Variants in PTPRN2 observed in about 807,000 individuals in gnomAD.
PTPRN2 encodes protein tyrosine phosphatase receptor type N2, also known as receptor-type tyrosine-protein phosphatase N2.
A neutral mutation model predicts 118.8 loss-of-function variants in PTPRN2; 74 were observed. The observed-to-expected ratio is 0.62, with a 90% CI of 0.52 to 0.76. PTPRN2 has a LOEUF of 0.76. PTPRN2 is among the 30% of genes least tolerant of loss of function. The probability of loss-of-function intolerance (pLI) is 0.00; values close to 1 mark genes in which losing one functional copy is unlikely to be tolerated. For missense variants in PTPRN2, 1,481 were observed against 1,394.4 expected (o/e 1.06, Z -0.99); for synonymous variants, 641 against 608.0 (o/e 1.05, Z -0.80).
intron 15 of PTPRN2, among the ~76,000 whole-genome samples, chr7:157,604,727 ATAAAAAC>A (rs1801896700): frequency 2.0e-5 from 3 of 152,254 alleles, no homozygotes; most frequent in Non-Finnish European, 4.4e-5. Flanking sequence ...GGAGACTGGC[ATAAAAAC>A]TCGCTCGGAC....
In PTPRN2 at chr7:157,929,451, C is replaced by G. The variant is rs75465341; in HGVS notation, c.1724-30714G>C. On this transcript the variant is annotated intron_variant, in intron 11 of 22. Coordinates refer to ENST00000389418, the MANE Select transcript of PTPRN2 (RefSeq NM_002847.5). This position sits in a 1 kb window ranked among gnomAD's most constrained non-coding sequence, Gnocchi z 4.4. ...TTTGTTCCTTTTAGGAGGAAGCCAC[C>G]GGATCGTTTCCCATGCTTAAGCTCA... is the stretch of plus-strand genomic sequence containing the variant. 0.034 allele frequency among the ~76,000 whole-genome samples: 5,120 copies of G among 152,180 alleles called. 134 individuals are homozygous for G. The highest frequency in any genetic ancestry group is 0.058 in the South Asian group (280 of 4,814).
In PTPRN2 at chr7:158,305,823, A is replaced by T. The variant is rs377252947; in HGVS notation, c.277+10996T>A. Among the ~76,000 whole-genome samples the T allele has an allele frequency of 4.6e-5, 7 of 152,168 alleles. 1 individual carries two copies. In the South Asian group the frequency reaches 1.5e-3, roughly 32 times the overall value. On this transcript the variant is annotated intron_variant, in intron 3 of 22. Coordinates refer to ENST00000389418, the MANE Select transcript of PTPRN2 (RefSeq NM_002847.5). ...AAAAAAAAAAGAAAGAAAGAAAAAGAAAGAAATGGCTGAATCTCAGCAAGA... is the reference window on the plus strand; with the variant it reads ...AAAAAAAAAAGAAAGAAAGAAAAAGTAAGAAATGGCTGAATCTCAGCAAGA...
intron 8 of PTPRN2, among the ~76,000 whole-genome samples, chr7:158,135,031 G>T (rs1818687069): frequency 6.6e-6 from 1 of 152,218 alleles, no homozygotes; most frequent in Non-Finnish European, 1.5e-5. Flanking sequence ...GGAAAGACCG[G>T]GTCTGCTCCT....
chr7:158,477,316 C>G (rs1820346773), intron 2 of PTPRN2, among the ~76,000 whole-genome samples: 1 of 152,330 alleles, frequency 6.6e-6, no homozygotes, highest in East Asian at 1.9e-4. Flanking sequence ...ACATATCATG[C>G]AGTCCTGTCT....
chr7:157,951,297 G>A (rs185862407), intron 11 of PTPRN2, among the ~76,000 whole-genome samples: 1 of 152,078 alleles, frequency 6.6e-6, no homozygotes. Flanking sequence ...TCCTTGCAAA[G>A]ATTATTTGGT....
At chr7:158,391,795 C>T (rs115099261) in intron 2 of PTPRN2, among the ~76,000 whole-genome samples, 3,194 of 152,248 alleles carry the variant, frequency 0.021, 99 homozygotes, top group African/African-American at 0.072. Flanking sequence ...GTACCGGGGG[C>T]GGGGGAGGAA....
Position 157,828,406 on chromosome 7 carries a change from C to A in PTPRN2, c.1788+70267G>T, listed in dbSNP as rs112085302. Among the ~76,000 whole-genome samples, 85 of 152,342 alleles carry A rather than the reference C, an allele frequency of 5.6e-4. 1 individual carries two copies. Among genetic ancestry groups the A allele is most frequent in the African/African-American group, 2.0e-3 (85 of 41,572 alleles). ...CGGATACAAGACTTGCCCCCACTTC[C>A]GCAAGCCCTCGGCACCCACAGCTGT... On this transcript the variant is annotated intron_variant, in intron 12 of 22. Transcript: ENST00000389418.
chr7:158,554,973 G>A lies in PTPRN2; in HGVS notation c.112+32585C>T, dbSNP rs577200565. Among the ~76,000 whole-genome samples, 178 of 152,254 alleles carry A rather than the reference G, an allele frequency of 1.2e-3. 1 individual carries two copies. Among genetic ancestry groups the A allele is most frequent in the African/African-American group, 4.1e-3 (172 of 41,568 alleles). On this transcript the variant is annotated intron_variant, in intron 1 of 22. Transcript: ENST00000389418. ...ATCCTCACCCACGACCCGGGGACAC[G>A]TTTAATTTATCCGGCCCCTCCTCGA...
intron 6 of PTPRN2, among the ~76,000 whole-genome samples, chr7:158,150,717 C>T (rs1401722300): frequency 6.6e-6 from 1 of 151,956 alleles, no homozygotes; most frequent in African/African-American, 2.4e-5. Flanking sequence ...TGTGGGTGAT[C>T]ATGGTGATCT....
chr7:158,002,698 C>T (rs1172639192), intron 11 of PTPRN2, among the ~76,000 whole-genome samples: 1 of 152,178 alleles, frequency 6.6e-6, no homozygotes, highest in Non-Finnish European at 1.5e-5. Context: ...GGGGCCTGCT[C>T]CCTGGAAGCA....
In PTPRN2 at chr7:157,787,188, C is replaced by T. The variant is rs1316630526; in HGVS notation, c.1789-104251G>A. ...GGCGGGGGACGCGGGGGTGGCTGCC[C>T]GGGACTGGCTCTTCTGGAAGCAATT... On this transcript the variant is annotated intron_variant, in intron 12 of 22. Transcript: ENST00000389418. This position sits in a 1 kb window ranked among gnomAD's most constrained non-coding sequence, Gnocchi z 5.3. Among the ~76,000 whole-genome samples, 7 of 150,670 alleles carry T rather than the reference C, an allele frequency of 4.6e-5. No individual in the cohort carries two copies. Among genetic ancestry groups the T allele is most frequent in the South Asian group, 2.1e-4 (1 of 4,808 alleles).
At chr7:158,079,279 A>T (rs1812614695) in intron 11 of PTPRN2, among the ~76,000 whole-genome samples, 1 of 152,240 alleles carries the variant, frequency 6.6e-6, no homozygotes, top group South Asian at 2.1e-4. Flanking sequence ...TCACACAGCC[A>T]CAGGAGTTAA....
chr7:157,994,638 CCG>C, intron 11 of PTPRN2, among the ~76,000 whole-genome samples: 1 of 148,686 alleles, frequency 6.7e-6, no homozygotes, highest in South Asian at 2.2e-4. Context: ...AAAATCAACG[CCG>C]TGTCCCCAGC....
intron 12 of PTPRN2, among the ~76,000 whole-genome samples, chr7:157,767,008 C>T (rs1348451981): frequency 6.6e-6 from 1 of 152,222 alleles, no homozygotes; most frequent in Non-Finnish European, 1.5e-5. Flanking sequence ...TGCCAGCCCT[C>T]CTCCTGGCAC....
At chr7:157,760,160 C>T (rs1221959555) in intron 12 of PTPRN2, among the ~76,000 whole-genome samples, 1 of 152,172 alleles carries the variant, frequency 6.6e-6, no homozygotes, top group East Asian at 1.9e-4. Context: ...CCCACTGAAT[C>T]TCTCTAACAA....
At chr7:158,041,768 A>G (rs573660712) in intron 11 of PTPRN2, among the ~76,000 whole-genome samples, 3 of 152,172 alleles carry the variant, frequency 2.0e-5, no homozygotes, top group Non-Finnish European at 4.4e-5. Flanking sequence ...GCTTGGGTCC[A>G]AAAAAGCGAA....
At chr7:157,679,716 T>A (rs917396) in intron 13 of PTPRN2, among the ~76,000 whole-genome samples, 1 of 147,622 alleles carries the variant, frequency 6.8e-6, no homozygotes, top group Non-Finnish European at 1.5e-5. Context: ...GGGTCGGGGC[T>A]GGGGGGTTCT....
chr7:157,838,407 A>G (rs1808139602), intron 12 of PTPRN2, among the ~76,000 whole-genome samples: 1 of 139,198 alleles, frequency 7.2e-6, no homozygotes, highest in African/African-American at 2.8e-5. Flanking sequence ...TTCCTCTCAT[A>G]GTGGATGGCA....
intron 11 of PTPRN2, among the ~76,000 whole-genome samples, chr7:157,952,838 A>G (rs1800920599): frequency 2.0e-5 from 3 of 152,146 alleles, no homozygotes; most frequent in Admixed American, 2.0e-4. Context: ...GCTTGCTTTC[A>G]GGTGGAAACA....
Sources: gnomAD v4.1 joint callset for allele counts (sites outside exome capture counted in the v4.1 genomes callset) on GRCh38, gnomAD v4.1.1 for gene constraint, Gnocchi (gnomAD v3.1) non-coding constraint, MANE v1.5 for transcripts, NCBI Gene and HGNC (gene_info 2026-07-23, HGNC 2026-07-21) for gene names.